Variants in CDH13 observed in about 807,000 individuals in gnomAD.
The protein encoded by CDH13 is cadherin 13.
A neutral mutation model predicts 63.8 loss-of-function variants in CDH13; 24 were observed. That is an observed-to-expected ratio of 0.38 (90% CI 0.27 to 0.53). The LOEUF (loss-of-function observed/expected upper bound fraction) is 0.53, where lower values mean the gene tolerates loss of function less well. Ranked by LOEUF, CDH13 falls within the 20% of genes least tolerant of loss-of-function variation. The pLI, the probability that CDH13 is intolerant of heterozygous loss-of-function variation, is 0.85. For synonymous variants in CDH13, 503 were observed against 355.3 expected (o/e 1.42, Z -4.67); for missense variants, 1,049 against 903.1 (o/e 1.16, Z -2.07).
At chr16:83,679,552 A>C (rs1915234580) in intron 10 of CDH13, among the ~76,000 whole-genome samples, 1 of 152,262 alleles carries the variant, frequency 6.6e-6, no homozygotes, top group South Asian at 2.1e-4. Flanking sequence ...AAGCTTTCTG[A>C]ATGCCAGATG....
rs575901912 is a variant in CDH13 at position 83,419,449 on chromosome 16, G to C, written c.782-67028G>C. On this transcript the variant is annotated intron_variant, in intron 6 of 13. Transcript: ENST00000567109. ...TGAATTATCTTATTTAAACCCCTCA[G>C]CCACCAATAAGTTACCTTCTACTTT... 1.6e-4 allele frequency among the ~76,000 whole-genome samples: 25 copies of C among 152,292 alleles called. No individual in the cohort carries two copies. In the South Asian group the frequency reaches 5.2e-3, roughly 32 times the overall value.
chr16:83,667,007 ATGGATGGATGGATGGATGGATGGG>A (rs1481869066), intron 8 of CDH13, among the ~76,000 whole-genome samples: 9 of 122,624 alleles, frequency 7.3e-5, no homozygotes, highest in South Asian at 5.1e-4. Flanking sequence ...GGATGGATGG[ATGGATGGATGGATGGATGGATGGG>A]TGGATGGATG....
intron 4 of CDH13, among the ~76,000 whole-genome samples, chr16:83,206,521 C>T (rs955553655): frequency 6.6e-6 from 1 of 152,232 alleles, no homozygotes; most frequent in Admixed American, 6.5e-5. Flanking sequence ...ATGCACCCGA[C>T]AGTTTTGTCC....
intron 2 of CDH13, among the ~76,000 whole-genome samples, chr16:82,969,202 C>T (rs1908324047): frequency 6.6e-6 from 1 of 152,190 alleles, no homozygotes; most frequent in Non-Finnish European, 1.5e-5. Flanking sequence ...GCAAACTTTC[C>T]TGCAAAGGGC....
At chr16:83,045,588 G>C (rs568285161) in intron 3 of CDH13, among the ~76,000 whole-genome samples, 1 of 134,924 alleles carries the variant, frequency 7.4e-6, no homozygotes, top group African/African-American at 2.8e-5. Flanking sequence ...AGTGATCCAA[G>C]ATCACGCCAC....
intron 6 of CDH13, among the ~76,000 whole-genome samples, chr16:83,401,364 T>C (rs2091965706): frequency 6.8e-6 from 1 of 146,610 alleles, no homozygotes; most frequent in South Asian, 2.2e-4. Flanking sequence ...AAAAAGATTA[T>C]ATAAAAAATT....
intron 6 of CDH13, among the ~76,000 whole-genome samples, chr16:83,348,933 T>A (rs561365377): frequency 1.3e-5 from 2 of 152,310 alleles, no homozygotes; most frequent in East Asian, 3.9e-4. Context: ...AAGAGACACA[T>A]GAGTTGTGTG....
chr16:82,889,116 T>G (rs946555687), intron 2 of CDH13, among the ~76,000 whole-genome samples: 3 of 152,248 alleles, frequency 2.0e-5, no homozygotes, highest in Admixed American at 1.3e-4. Context: ...CCCCTTAACC[T>G]TATTTTCAAT....
intron 1 of CDH13, among the ~76,000 whole-genome samples, chr16:82,846,620 C>G (rs141768220): frequency 6.4e-4 from 97 of 152,302 alleles, no homozygotes; most frequent in African/African-American, 2.3e-3. Context: ...AATCTTTACT[C>G]TGAGCTACTT....
chr16:83,230,293 T>C (rs940710105), intron 5 of CDH13, among the ~76,000 whole-genome samples: 4 of 152,040 alleles, frequency 2.6e-5, no homozygotes, highest in Non-Finnish European at 4.4e-5. Flanking sequence ...TGCTCCCAAA[T>C]AAAAAGGAGA....
chr16:82,867,236 A>C (rs2040181763), intron 2 of CDH13, among the ~76,000 whole-genome samples: 1 of 152,222 alleles, frequency 6.6e-6, no homozygotes, highest in South Asian at 2.1e-4. Flanking sequence ...CCAGGATTTT[A>C]GGGCCCTGGT....
chr16:83,283,158 A>T (rs2089223476), intron 5 of CDH13, among the ~76,000 whole-genome samples: 1 of 152,210 alleles, frequency 6.6e-6, no homozygotes, highest in African/African-American at 2.4e-5. Flanking sequence ...ACAGATTTTT[A>T]AATCTTTAAT....
intron 1 of CDH13, among the ~76,000 whole-genome samples, chr16:82,840,684 C>CAAAAAAAAAAA: frequency 1.2e-5 from 1 of 86,748 alleles, no homozygotes; most frequent in Non-Finnish European, 2.2e-5. Flanking sequence ...GAATCCATCT[C>CAAAAAAAAAAA]AAAAAAAAAA....
chr16:83,301,720 C>T (rs1005950412), intron 5 of CDH13, among the ~76,000 whole-genome samples: 1 of 152,032 alleles, frequency 6.6e-6, no homozygotes, highest in African/African-American at 2.4e-5. Flanking sequence ...TCTCAGGATG[C>T]CTTCTGCCCT....
intron 1 of CDH13, among the ~76,000 whole-genome samples, chr16:82,765,289 C>T (rs919129877): frequency 3.9e-5 from 6 of 152,070 alleles, no homozygotes; most frequent in Non-Finnish European, 8.8e-5. Flanking sequence ...GACTATAAGC[C>T]CTTCTACAGC....
At chr16:83,748,284 T>A in intron 11 of CDH13, 34 bp downstream of exon 11, 1 of 1,554,748 alleles carries the variant, frequency 6.4e-7, no homozygotes, top group East Asian at 2.3e-5. Flanking sequence ...AAGGGTATAC[T>A]TTTCTGCTAC....
chr16:83,551,270 C>T (rs749454637), intron 7 of CDH13, among the ~76,000 whole-genome samples: 3 of 152,266 alleles, frequency 2.0e-5, no homozygotes, highest in African/African-American at 7.2e-5. Context: ...TTAGTAGAGA[C>T]AAGGTTTCAC....
chr16:83,391,949 T>C (rs1408031224), intron 6 of CDH13, among the ~76,000 whole-genome samples: 1 of 152,124 alleles, frequency 6.6e-6, no homozygotes, highest in Non-Finnish European at 1.5e-5. Context: ...CCAAAGACTG[T>C]TTATCAGGGT....
At chr16:83,355,557 C>G (rs1368037819) in intron 6 of CDH13, among the ~76,000 whole-genome samples, 2 of 152,178 alleles carry the variant, frequency 1.3e-5, no homozygotes, top group Non-Finnish European at 2.9e-5. Context: ...TCCCGATAAA[C>G]TGTTTTTTAA....
Sources: allele counts gnomAD v4.1 joint callset (sites outside exome capture counted in the v4.1 genomes callset), GRCh38; gene constraint gnomAD v4.1.1; transcripts MANE v1.5; gene names NCBI Gene and HGNC (gene_info 2026-07-23, HGNC 2026-07-21).